SEPTIN9: variants seen among roughly 807,000 people sequenced by gnomAD.
SEPTIN9 encodes septin 9, also known as septin-9.
A neutral mutation model predicts 56.6 loss-of-function variants in SEPTIN9; 13 were observed. The observed-to-expected ratio is 0.23, with a 90% CI of 0.15 to 0.37. The LOEUF is 0.37. Ranked by LOEUF, SEPTIN9 falls within the 10% of genes least tolerant of loss-of-function variation. The pLI is 1.00. For missense variants in SEPTIN9, 650 were observed against 823.1 expected (o/e 0.79, Z 2.57); for synonymous variants, 332 against 334.1 (o/e 0.99, Z 0.07).
intron 4 of SEPTIN9, among the ~76,000 whole-genome samples, chr17:77,484,478 ATGATGG>A (rs2039596330): frequency 9.9e-6 from 1 of 100,870 alleles, no homozygotes; most frequent in Non-Finnish European, 2.0e-5. Flanking sequence ...GGTGGTGGTG[ATGATGG>A]TGGTGATGAT....
At chr17:77,291,449 A>G (rs1352462799) in intron 1 of SEPTIN9, among the ~76,000 whole-genome samples, 3 of 151,766 alleles carry the variant, frequency 2.0e-5, no homozygotes, top group Admixed American at 2.0e-4. Flanking sequence ...CCTGACCAAC[A>G]TGGAGAAACC....
chr17:77,466,986 AG>A (rs2038764913), intron 3 of SEPTIN9, among the ~76,000 whole-genome samples: 1 of 152,126 alleles, frequency 6.6e-6, no homozygotes, highest in South Asian at 2.1e-4. Context: ...GGTACATTAG[AG>A]GACTTCTACC....
Position 77,499,278 on chromosome 17 carries a change from C to T in SEPTIN9, c.*620C>T. The stretch of plus-strand genomic sequence containing the variant: ...CCCCTGGCAGCTGCCCCTCCTGGAG[C>T]AGAAAGTGCCTTTATCTCAGCCATC... On this transcript the variant is annotated 3_prime_UTR_variant, in exon 12 of 12. Coordinates refer to ENST00000427177, the MANE Select transcript of SEPTIN9 (RefSeq NM_001113491.2). 1 of 598,038 alleles carries T rather than the reference C, an allele frequency of 1.7e-6. No individual in the cohort carries two copies. The highest frequency in any genetic ancestry group is 1.4e-5 in the South Asian group (1 of 71,876). The allele number at this position is 598,038 out of a possible 1,614,324, so 37.0% of individuals were successfully genotyped here.
intron 6 of SEPTIN9, 76 bp from the exon 7 acceptor site, chr17:77,488,651 T>C: frequency 6.3e-7 from 1 of 1,591,988 alleles, no homozygotes; most frequent in Non-Finnish European, 8.6e-7. Flanking sequence ...TGTTGGGCTC[T>C]GAGTCCTGGG....
In SEPTIN9 at chr17:77,310,732, G is replaced by A. The variant is rs1413756117; in HGVS notation, c.76+3535G>A. Among the ~76,000 whole-genome samples, 4 of 152,064 alleles carry A rather than the reference G, an allele frequency of 2.6e-5. No homozygotes were observed. The highest frequency in any genetic ancestry group is 4.8e-5 in the African/African-American group (2 of 41,402). ...CAGGCAGCCGCCTCTCTGACTGAGC[G>A]TCCAGCGGACTTTTGCCCTGTTTCC... On this transcript the variant is annotated intron_variant, in intron 2 of 11. Coordinates refer to ENST00000427177, the MANE Select transcript of SEPTIN9 (RefSeq NM_001113491.2). This position sits in a 1 kb window ranked among gnomAD's most constrained non-coding sequence, Gnocchi z 4.7.
In SEPTIN9 at chr17:77,476,337, G is replaced by A. The variant is rs2039213757; in HGVS notation, c.722-5807G>A. Reference sequence around the variant, plus strand: ...CTAAAGTGTGTCATGTCCAATAGCTGCCTCCTCTCTGGGCACTGCCTCCCA... The same window carrying A: ...CTAAAGTGTGTCATGTCCAATAGCTACCTCCTCTCTGGGCACTGCCTCCCA... On this transcript the variant is annotated intron_variant, in intron 3 of 11. Coordinates refer to ENST00000427177, the MANE Select transcript of SEPTIN9 (RefSeq NM_001113491.2). The surrounding 1 kb of genome is among the most constrained non-coding windows in gnomAD (Gnocchi z 6.0). Among the ~76,000 whole-genome samples the A allele has an allele frequency of 6.6e-6, 1 of 152,188 alleles. No individual in the cohort carries two copies. Among genetic ancestry groups the A allele is most frequent in the South Asian group, 2.1e-4 (1 of 4,830 alleles).
intron 3 of SEPTIN9, among the ~76,000 whole-genome samples, chr17:77,461,971 G>T (rs1874424587): frequency 6.6e-6 from 1 of 152,140 alleles, no homozygotes; most frequent in Non-Finnish European, 1.5e-5. Flanking sequence ...GGTTGAAGGC[G>T]GTTAAGCGGG....
At chr17:77,307,273 G>A in intron 2 of SEPTIN9, 76 bp downstream of exon 2, 1 of 1,352,048 alleles carries the variant, frequency 7.4e-7, no homozygotes, top group Non-Finnish European at 1.1e-6. Context: ...TTCTGGTCTG[G>A]GACCTGCCTC....
chr17:77,480,515 G>A (rs931101315), intron 3 of SEPTIN9, among the ~76,000 whole-genome samples: 1 of 152,232 alleles, frequency 6.6e-6, no homozygotes, highest in Non-Finnish European at 1.5e-5. Flanking sequence ...TGCCCCTCCT[G>A]GCCTGGAAGC....
chr17:77,288,232 C>T (rs1033464409), intron 1 of SEPTIN9: 45 of 1,039,330 alleles, frequency 4.3e-5, no homozygotes, highest in Middle Eastern at 4.4e-4. Flanking sequence ...GCTCTCTTTC[C>T]GGCTCCTCCC....
chr17:77,334,482 C>T (rs1326434993), intron 2 of SEPTIN9, among the ~76,000 whole-genome samples: 1 of 150,352 alleles, frequency 6.7e-6, no homozygotes, highest in South Asian at 2.1e-4. Flanking sequence ...GGATATAAGT[C>T]CTTTATCAGA....
chr17:77,479,472 T>C (rs1176027191), intron 3 of SEPTIN9, among the ~76,000 whole-genome samples: 1 of 152,242 alleles, frequency 6.6e-6, no homozygotes, highest in Non-Finnish European at 1.5e-5. Flanking sequence ...CAAGGCCGCC[T>C]CTCGAGGGAG....
At chr17:77,345,080 G>T (rs2033850228) in intron 2 of SEPTIN9, among the ~76,000 whole-genome samples, 1 of 151,450 alleles carries the variant, frequency 6.6e-6, no homozygotes, top group Admixed American at 6.6e-5. Flanking sequence ...GACAAATACT[G>T]TATGATTTCA....
At chr17:77,468,707 A>C (rs1159772407) in intron 3 of SEPTIN9, among the ~76,000 whole-genome samples, 1 of 152,218 alleles carries the variant, frequency 6.6e-6, no homozygotes, top group Non-Finnish European at 1.5e-5. Context: ...TCCCAGGTGC[A>C]ATGGAAACCA....
chr17:77,494,911 T>C (rs2040187625), intron 10 of SEPTIN9, among the ~76,000 whole-genome samples: 2 of 152,198 alleles, frequency 1.3e-5, no homozygotes, highest in Non-Finnish European at 2.9e-5. Flanking sequence ...CCCAGCTGGG[T>C]GCAGCCTGGG....
Position 77,402,776 on chromosome 17 carries a change from T to C in SEPTIN9, c.721+73T>C. 4 of 1,457,414 alleles carry C rather than the reference T, an allele frequency of 2.7e-6. No individual in the cohort carries two copies. The highest frequency in any genetic ancestry group is 3.7e-6 in the Non-Finnish European group (4 of 1,090,150). The allele number at this position is 1,457,414 out of a possible 1,614,324, so 90.3% of individuals were successfully genotyped here. A position where few individuals can be genotyped will look rare whatever the true frequency, so the allele number is the denominator to read the frequency against. ...TGGTTGCTGGCTTTGCCACAGAATC[T>C]TGGAGGAAGAAGCTGGATATGGGGT... On this transcript the variant is annotated intron_variant, in intron 3 of 11. Transcript: ENST00000427177. The surrounding 1 kb of genome is among the most constrained non-coding windows in gnomAD (Gnocchi z 6.6).
chr17:77,475,975 G>C lies in SEPTIN9; in HGVS notation c.722-6169G>C, dbSNP rs41282089. The C allele has an allele frequency of 3.3e-5, 49 of 1,500,320 alleles. No individual in the cohort carries two copies. The South Asian group carries it at 5.6e-4, about 17-fold the overall frequency. The allele number at this position is 1,500,320 out of a possible 1,614,324, so 92.9% of individuals were successfully genotyped here. Reference sequence around the variant, plus strand: ...GTGGGTTGGGTTTGGGGAAGACAGGGGAATGGCATTGACTTGACCCTGAGC... The same window carrying C: ...GTGGGTTGGGTTTGGGGAAGACAGGCGAATGGCATTGACTTGACCCTGAGC... On this transcript the variant is annotated intron_variant, in intron 3 of 11. Coordinates refer to ENST00000427177, the MANE Select transcript of SEPTIN9 (RefSeq NM_001113491.2). This position sits in a 1 kb window ranked among gnomAD's most constrained non-coding sequence, Gnocchi z 4.6.
chr17:77,352,591 C>T (rs957209472), intron 2 of SEPTIN9, among the ~76,000 whole-genome samples: 3 of 152,186 alleles, frequency 2.0e-5, no homozygotes, highest in African/African-American at 4.8e-5. Context: ...CGGCTTGCAG[C>T]TCGGCCTACC....
intron 2 of SEPTIN9, among the ~76,000 whole-genome samples, chr17:77,368,297 T>A (rs961831671): frequency 6.6e-6 from 1 of 151,482 alleles, no homozygotes; most frequent in African/African-American, 2.4e-5. Flanking sequence ...AAATGGTAAA[T>A]TTGTCTTTTT....
Sources: gnomAD v4.1 joint callset for allele counts (sites outside exome capture counted in the v4.1 genomes callset) on GRCh38, gnomAD v4.1.1 for gene constraint, Gnocchi (gnomAD v3.1) non-coding constraint, MANE v1.5 for transcripts, NCBI Gene and HGNC (gene_info 2026-07-23, HGNC 2026-07-21) for gene names.